The following BMPER variants were observed in gnomAD, a reference collection of about 807,000 sequenced individuals.
BMPER encodes the protein BMP-binding endothelial regulator protein.
A neutral mutation model predicts 87.3 loss-of-function variants in BMPER; 45 were observed. That is an observed-to-expected ratio of 0.52 (90% CI 0.41 to 0.66). BMPER has a LOEUF of 0.66. Ranked by LOEUF, BMPER falls within the 30% of genes least tolerant of loss-of-function variation. The probability of loss-of-function intolerance (pLI) is 0.00; values close to 1 mark genes in which losing one functional copy is unlikely to be tolerated. For synonymous variants in BMPER, 326 were observed against 316.2 expected (o/e 1.03, Z -0.33); for missense variants, 784 against 867.5 (o/e 0.90, Z 1.21).
intron 6 of BMPER, among the ~76,000 whole-genome samples, chr7:34,000,330 A>G (rs546605231): frequency 6.6e-6 from 1 of 152,294 alleles, no homozygotes; most frequent in East Asian, 1.9e-4. Context: ...AGATGAAGAT[A>G]GATGAAAGAG....
chr7:33,997,730 G>C (rs1302547794), intron 6 of BMPER, among the ~76,000 whole-genome samples: 1 of 152,138 alleles, frequency 6.6e-6, no homozygotes, highest in Non-Finnish European at 1.5e-5. Flanking sequence ...GAATGTGTCA[G>C]ACACGTTCTC....
intron 13 of BMPER, among the ~76,000 whole-genome samples, chr7:34,122,454 GT>G (rs1790287031): frequency 6.6e-6 from 1 of 152,214 alleles, no homozygotes; most frequent in Non-Finnish European, 1.5e-5. Context: ...CAAGTCTCAG[GT>G]GAGGCCAGGT....
At chr7:33,920,494 C>T (rs1006537025) in intron 2 of BMPER, among the ~76,000 whole-genome samples, 6 of 133,954 alleles carry the variant, frequency 4.5e-5, no homozygotes, top group African/African-American at 1.4e-4. Flanking sequence ...GGTGCGATCT[C>T]GGCTTACTGC....
At chr7:34,129,630 G>GAGAGAGAGAGAAAGAAAGAAAGAA (rs1790515158) in intron 13 of BMPER, among the ~76,000 whole-genome samples, 1 of 56,272 alleles carries the variant, frequency 1.8e-5, no homozygotes, top group Non-Finnish European at 3.5e-5. Context: ...GAGAGAAAGA[G>GAGAGAGAGAGAAAGAAAGAAAGAA]AGAAAGAAAG....
At chr7:34,134,972 G>T (rs986979163) in intron 13 of BMPER, among the ~76,000 whole-genome samples, 3 of 152,134 alleles carry the variant, frequency 2.0e-5, no homozygotes, top group African/African-American at 7.2e-5. Context: ...ACAATCCATA[G>T]CTTCAGAAGA....
intron 14 of BMPER, among the ~76,000 whole-genome samples, chr7:34,150,244 T>G (rs566014774): frequency 3.3e-5 from 5 of 152,340 alleles, no homozygotes; most frequent in Non-Finnish European, 7.3e-5. Context: ...TAAAAAGGAA[T>G]GAGTCTCTGA....
chr7:33,988,959 G>A (rs1313750207), intron 6 of BMPER, among the ~76,000 whole-genome samples: 1 of 134,412 alleles, frequency 7.4e-6, no homozygotes, highest in African/African-American at 2.9e-5. Flanking sequence ...CATTTTTTAT[G>A]GCTGCATAGT....
chr7:33,961,389 C>T (rs1785267115), intron 3 of BMPER, among the ~76,000 whole-genome samples: 1 of 152,196 alleles, frequency 6.6e-6, no homozygotes, highest in African/African-American at 2.4e-5. Flanking sequence ...TGTACCTCAG[C>T]CAGTCTATGC....
In BMPER at chr7:34,058,163, G is replaced by A; in HGVS notation, c.1032G>A (p.Gln344=). 6.2e-7 allele frequency: 1 copy of A among 1,613,212 alleles called. No individual in the cohort carries two copies. The highest frequency in any genetic ancestry group is 8.5e-7 in the Non-Finnish European group (1 of 1,179,184). The change falls in exon 10 of 15, where the codon CAG becomes CAA. Residue 344 remains glutamine (Q), a splice_region_variant and synonymous_variant. Coordinates refer to ENST00000649409, the MANE Select transcript of BMPER (RefSeq NM_001365308.1). The stretch of plus-strand genomic sequence containing the variant: ...GCATTCCCATCAGTAGCTGCCCACA[G>A]GTATGTTTGGAACACAGATTGACTT... ...KQCIPISSCP[Q]GKILNRKGCC...
chr7:33,984,450 G>A (rs990385601), intron 6 of BMPER, among the ~76,000 whole-genome samples: 2 of 152,004 alleles, frequency 1.3e-5, no homozygotes, highest in East Asian at 1.9e-4. Flanking sequence ...GGGCAACAGA[G>A]CAAGAGTCCG....
intron 11 of BMPER, among the ~76,000 whole-genome samples, chr7:34,065,249 C>CTCTCCCT (rs1788555867): frequency 5.1e-4 from 30 of 58,516 alleles, no homozygotes; most frequent in Non-Finnish European, 1.0e-3. Context: ...TCTCTCTCTC[C>CTCTCCCT]CTCTCTCTCT....
intron 6 of BMPER, among the ~76,000 whole-genome samples, chr7:33,995,593 GGC>G (rs1456671713): frequency 6.6e-6 from 1 of 152,104 alleles, no homozygotes; most frequent in African/African-American, 2.4e-5. Flanking sequence ...CATAAAACCA[GGC>G]CATGTAAGAT....
At chr7:33,998,928 T>G (rs1029006794) in intron 6 of BMPER, among the ~76,000 whole-genome samples, 1 of 152,080 alleles carries the variant, frequency 6.6e-6, no homozygotes, top group African/African-American at 2.4e-5. Flanking sequence ...GAGAGAAGCC[T>G]CTAGTGTTGG....
intron 6 of BMPER, among the ~76,000 whole-genome samples, chr7:33,987,013 A>G (rs1052735758): frequency 6.6e-6 from 1 of 151,470 alleles, no homozygotes; most frequent in Non-Finnish European, 1.5e-5. Context: ...CCCTGGTCCT[A>G]CTTGAGCTTC....
chr7:34,124,685 C>T (rs1392656501), intron 13 of BMPER, among the ~76,000 whole-genome samples: 1 of 152,030 alleles, frequency 6.6e-6, no homozygotes, highest in African/African-American at 2.4e-5. Context: ...GAGACTATAA[C>T]TTTAAGAATA....
At position 33,905,631 on chromosome 7, in the gene BMPER, C is replaced by A. The variant is rs371032533; in HGVS notation, c.18C>A (p.Gly6=). Residue 6 remains glycine, a synonymous_variant, in exon 1 of 15, where the codon GGC becomes GGA. Transcript: ENST00000649409. ...AGGTGACGATGCTCTGGTTCTCCGG[C>A]GTCGGGGCTCTGGCTGAGCGTTACT... MLWFS[G]VGALAERYCR... 35 of 1,612,832 alleles carry A rather than the reference C, an allele frequency of 2.2e-5. No individual in the cohort carries two copies. Among genetic ancestry groups the A allele is most frequent in the Non-Finnish European group, 2.9e-5 (34 of 1,179,914 alleles).
chr7:34,043,851 T>C (rs1449701898), intron 6 of BMPER, among the ~76,000 whole-genome samples: 1 of 152,226 alleles, frequency 6.6e-6, no homozygotes, highest in African/African-American at 2.4e-5. Flanking sequence ...TGCGATCATC[T>C]GATAGTACAT....
chr7:33,948,899 G>C (rs139730835), intron 3 of BMPER, among the ~76,000 whole-genome samples: 306 of 152,270 alleles, frequency 2.0e-3, no homozygotes, highest in Non-Finnish European at 3.4e-3. Context: ...GGAGAGATGA[G>C]TTGTGATGGC....
rs1281046208 is a variant in BMPER at position 33,918,035 on chromosome 7, G to T, written c.219+11132G>T. On this transcript the variant is annotated intron_variant, in intron 2 of 14. Coordinates refer to ENST00000649409, the MANE Select transcript of BMPER (RefSeq NM_001365308.1). ...TATTTTTATTTTTTGTAGAGACAGG[G>T]TCTCACTATCACCAGGGCTGACCTC... Among the ~76,000 whole-genome samples the T allele has an allele frequency of 2.0e-5, 3 of 152,046 alleles. 1 individual carries two copies. Among genetic ancestry groups the T allele is most frequent in the Non-Finnish European group, 4.4e-5 (3 of 68,014 alleles).
Sources: gnomAD v4.1 joint callset for allele counts (sites outside exome capture counted in the v4.1 genomes callset) on GRCh38, gnomAD v4.1.1 for gene constraint, MANE v1.5 for transcripts, NCBI Gene and HGNC (gene_info 2026-07-23, HGNC 2026-07-21) for gene names.